Variants in CALN1 observed in about 807,000 individuals in gnomAD.
CALN1 encodes the protein calneuron 1.
A neutral mutation model predicts 30.6 loss-of-function variants in CALN1; 17 were observed. The observed-to-expected ratio is 0.56, with a 90% CI of 0.38 to 0.83. The LOEUF is 0.83. Ranked by LOEUF, CALN1 falls within the 40% of genes least tolerant of loss-of-function variation. The pLI, the probability that CALN1 is intolerant of heterozygous loss-of-function variation, is 0.00. For synonymous variants in CALN1, 156 were observed against 131.4 expected (o/e 1.19, Z -1.28); for missense variants, 291 against 354.9 (o/e 0.82, Z 1.45).
chr7:72,021,449 T>C (rs1800703466), intron 5 of CALN1, among the ~76,000 whole-genome samples: 1 of 152,130 alleles, frequency 6.6e-6, no homozygotes, highest in Non-Finnish European at 1.5e-5. Context: ...TCTTCTGAAC[T>C]CTGGGGTCAT....
At chr7:72,305,940 G>A (rs1219231758) in intron 2 of CALN1, among the ~76,000 whole-genome samples, 1 of 151,906 alleles carries the variant, frequency 6.6e-6, no homozygotes, top group African/African-American at 2.4e-5. Context: ...TACTTATAAG[G>A]GCACTAAATT....
In CALN1 at chr7:72,276,524, C is replaced by T. The variant is rs1050688438; in HGVS notation, c.244+2162G>A. Among the ~76,000 whole-genome samples the T allele has an allele frequency of 3.3e-5, 5 of 152,222 alleles. 1 individual carries two copies. Among genetic ancestry groups the T allele is most frequent in the African/African-American group, 4.8e-5 (2 of 41,542 alleles). On this transcript the variant is annotated intron_variant, in intron 3 of 6. Transcript: ENST00000395275. ...GTTTGAATGTCCCTTCCAAACCTCA[C>T]ATTGACATTTGATTAGCATTATGAC...
chr7:71,886,427 G>A (rs797009415), intron 5 of CALN1, among the ~76,000 whole-genome samples: 43 of 152,330 alleles, frequency 2.8e-4, no homozygotes, highest in African/African-American at 1.0e-3. Context: ...AAAGGAATCA[G>A]GATAAAGCTT....
chr7:71,819,146 C>T (rs542585106), intron 5 of CALN1, among the ~76,000 whole-genome samples: 27 of 152,084 alleles, frequency 1.8e-4, no homozygotes, highest in African/African-American at 5.8e-4. Flanking sequence ...TGCACCACCA[C>T]TTGTTTTTAT....
chr7:71,812,601 C>G (rs895712344), intron 5 of CALN1, among the ~76,000 whole-genome samples: 4 of 152,164 alleles, frequency 2.6e-5, no homozygotes, highest in Non-Finnish European at 5.9e-5. Context: ...CAGGAAAGAA[C>G]TGGTTGATTT....
chr7:72,158,002 C>T (rs552489978), intron 3 of CALN1, among the ~76,000 whole-genome samples: 44 of 152,280 alleles, frequency 2.9e-4, no homozygotes, highest in Admixed American at 7.2e-4. Flanking sequence ...ATCTCGGCCT[C>T]CCAAAGTGCT....
At chr7:72,382,597 A>T (rs1804968830) in intron 2 of CALN1, among the ~76,000 whole-genome samples, 1 of 152,122 alleles carries the variant, frequency 6.6e-6, no homozygotes, top group South Asian at 2.1e-4. Flanking sequence ...GAAGTTTCTC[A>T]ACCCTTCCCC....
At chr7:72,096,042 A>AAGAT (rs10664390) in intron 4 of CALN1, among the ~76,000 whole-genome samples, 49,163 of 143,002 alleles carry the variant, frequency 0.34, 8,453 homozygotes, top group East Asian at 0.4. Flanking sequence ...TTGTCTCTAA[A>AAGAT]AGATAGATAG....
At chr7:72,160,095 C>T (rs1787991085) in intron 3 of CALN1, among the ~76,000 whole-genome samples, 2 of 152,144 alleles carry the variant, frequency 1.3e-5, no homozygotes, top group South Asian at 4.1e-4. Context: ...TTCCCCTATC[C>T]TGTGGGTCTG....
intron 6 of CALN1, among the ~76,000 whole-genome samples, chr7:71,788,333 TG>T (rs1009977793): frequency 1.3e-5 from 2 of 152,194 alleles, no homozygotes; most frequent in African/African-American, 4.8e-5. Flanking sequence ...TACACCTCTG[TG>T]ATCAGCTGGG....
chr7:71,874,638 CTTTA>C (rs1309490630), intron 5 of CALN1, among the ~76,000 whole-genome samples: 8 of 152,150 alleles, frequency 5.3e-5, no homozygotes, highest in Non-Finnish European at 8.8e-5. Flanking sequence ...AAGAAAACAA[CTTTA>C]TTTTTCTGTG....
intron 5 of CALN1, among the ~76,000 whole-genome samples, chr7:71,995,741 C>T (rs1193419077): frequency 6.6e-6 from 1 of 151,862 alleles, no homozygotes; most frequent in Non-Finnish European, 1.5e-5. Context: ...AAATATAACA[C>T]GACAGCCCCA....
intron 1 of CALN1, among the ~76,000 whole-genome samples, chr7:72,443,929 C>T (rs1179762020): frequency 7.5e-6 from 1 of 133,072 alleles, no homozygotes; most frequent in Non-Finnish European, 1.6e-5. Flanking sequence ...CTGCAAACTC[C>T]GGGAGGTGGA....
chr7:72,407,524 T>TC (rs1806785755), intron 1 of CALN1, among the ~76,000 whole-genome samples: 2 of 152,312 alleles, frequency 1.3e-5, no homozygotes, highest in East Asian at 3.9e-4. Context: ...CTTTGCTGCT[T>TC]CCCTCCTCTC....
At chr7:72,347,524 C>T (rs1802710464) in intron 2 of CALN1, among the ~76,000 whole-genome samples, 1 of 152,106 alleles carries the variant, frequency 6.6e-6, no homozygotes, top group Admixed American at 6.5e-5. Flanking sequence ...CCTCGGCCTC[C>T]CAAAGTGCTG....
chr7:72,315,955 T>C (rs999145198), intron 2 of CALN1, among the ~76,000 whole-genome samples: 2 of 151,928 alleles, frequency 1.3e-5, no homozygotes, highest in Non-Finnish European at 2.9e-5. Flanking sequence ...AAGACCAGCC[T>C]GGCCAACATG....
intron 5 of CALN1, among the ~76,000 whole-genome samples, chr7:72,012,305 C>T (rs1800126717): frequency 6.6e-6 from 1 of 152,086 alleles, no homozygotes; most frequent in Non-Finnish European, 1.5e-5. Context: ...ATCATGAGGT[C>T]CTCTTGAGAC....
At chr7:72,244,664 TGG>T in intron 3 of CALN1, among the ~76,000 whole-genome samples, 1 of 150,834 alleles carries the variant, frequency 6.6e-6, no homozygotes, top group Admixed American at 6.7e-5. Flanking sequence ...GCAATTAAAA[TGG>T]GGGTTGAGTA....
At chr7:72,374,813 T>G (rs532048023) in intron 2 of CALN1, among the ~76,000 whole-genome samples, 1 of 152,312 alleles carries the variant, frequency 6.6e-6, no homozygotes, top group African/African-American at 2.4e-5. Flanking sequence ...ACGTTTTGTT[T>G]GAAATTATTA....
Sources: allele counts gnomAD v4.1 joint callset (sites outside exome capture counted in the v4.1 genomes callset), GRCh38; gene constraint gnomAD v4.1.1; transcripts MANE v1.5; gene names NCBI Gene and HGNC (gene_info 2026-07-23, HGNC 2026-07-21).